The following ABCA6 variants were observed in gnomAD, a reference collection of about 807,000 sequenced individuals.
The protein encoded by ABCA6 is ATP-binding cassette sub-family A member 6.
A neutral mutation model predicts 191.2 loss-of-function variants in ABCA6; 164 were observed. That is an observed-to-expected ratio of 0.86 (90% CI 0.76 to 0.98). ABCA6 has a LOEUF of 0.98. ABCA6 is among the 50% of genes least tolerant of loss of function. The pLI is 0.00. For synonymous variants in ABCA6, 636 were observed against 647.7 expected (o/e 0.98, Z 0.27); for missense variants, 1,958 against 1,894.1 (o/e 1.03, Z -0.63).
intron 11 of ABCA6, among the ~76,000 whole-genome samples, chr17:69,117,004 T>C (rs536022242): frequency 1.9e-4 from 29 of 152,202 alleles, no homozygotes; most frequent in African/African-American, 6.0e-4. Flanking sequence ...AAACTTTAAG[T>C]AATCAATTTA....
intron 20 of ABCA6, among the ~76,000 whole-genome samples, chr17:69,103,315 T>A (rs1302624289): frequency 1.3e-5 from 2 of 152,214 alleles, no homozygotes; most frequent in East Asian, 3.8e-4. Flanking sequence ...TACTTCAGAT[T>A]GTCCAGCCTA....
Position 69,083,020 on chromosome 17 carries a change from G to A in ABCA6, c.4476-7C>T, listed in dbSNP as rs773177323. 2 of 1,612,652 alleles carry A rather than the reference G, an allele frequency of 1.2e-6. No individual in the cohort carries two copies. The highest frequency in any genetic ancestry group is 1.7e-6 in the Non-Finnish European group (2 of 1,179,572). ...TTGGATGGAGCCAATGCATCTATGG[G>A]CAAGAAAGAGAATATGTTGGAAAAA... On this transcript the variant is annotated splice_polypyrimidine_tract_variant and splice_region_variant and intron_variant, in intron 35 of 38. Transcript: ENST00000284425.
At chr17:69,081,254 G>A in intron 36 of ABCA6, 109 bp from the exon 37 acceptor site, 2 of 581,186 alleles carry the variant, frequency 3.4e-6, no homozygotes, top group South Asian at 5.3e-5. Flanking sequence ...TAAAAGTAAT[G>A]CAAATTAATG....
intron 27 of ABCA6, 83 bp from the exon 28 acceptor site, chr17:69,088,341 G>T (rs1457913867): frequency 2.7e-5 from 29 of 1,082,844 alleles, no homozygotes; most frequent in Middle Eastern, 2.7e-4. Context: ...GTGGTGTTTT[G>T]TCTTTGGGTA....
Position 69,089,180 on chromosome 17 carries a change from T to A in ABCA6, c.3606+285A>T, listed in dbSNP as rs531212515. The stretch of plus-strand genomic sequence containing the variant: ...AATCTATTATTCAAAGGAAGTAAGT[T>A]ATATTGCATCTCTATTTTTTACAAG... On this transcript the variant is annotated intron_variant, in intron 27 of 38. Transcript: ENST00000284425. 7.2e-5 allele frequency among the ~76,000 whole-genome samples: 11 copies of A among 152,326 alleles called. No individual in the cohort carries two copies. The South Asian group carries it at 2.1e-3, about 29-fold the overall frequency.
intron 10 of ABCA6, among the ~76,000 whole-genome samples, chr17:69,119,491 C>A (rs1458413374): frequency 6.6e-6 from 1 of 152,026 alleles, no homozygotes; most frequent in Non-Finnish European, 1.5e-5. Context: ...ATGCTTCACA[C>A]AGGAAACAGG....
At position 69,112,260 on chromosome 17, in the gene ABCA6, G is replaced by C. The variant is rs2073438252; in HGVS notation, c.2055C>G (p.Ile685Met). ...EADILADRKV[I>M]MSNGRLKCAG... ...CACACTTCAGTCTCCCATTGGACAT[G>C]ATCACTTTTCTATCTGAATGAAAGA... The change falls in exon 16 of 39, where the codon ATC becomes ATG. Residue 685 changes from isoleucine (I) to methionine (M), a missense_variant. Transcript: ENST00000284425. The C allele has an allele frequency of 2.5e-6, 4 of 1,611,396 alleles. No individual in the cohort carries two copies. Among genetic ancestry groups the C allele is most frequent in the African/African-American group, 1.3e-5 (1 of 74,800 alleles).
At chr17:69,081,720 C>T (rs1490341474) in intron 36 of ABCA6, among the ~76,000 whole-genome samples, 3 of 152,112 alleles carry the variant, frequency 2.0e-5, no homozygotes, top group Non-Finnish European at 4.4e-5. Context: ...GGCCCTAGGG[C>T]AATCTAGAAG....
intron 22 of ABCA6, chr17:69,099,564 T>C (rs2073127608): frequency 6.5e-6 from 1 of 154,292 alleles, no homozygotes; most frequent in Admixed American, 6.5e-5. Flanking sequence ...TGTGTTCTTT[T>C]GAAGGATAGC....
At chr17:69,089,733 A>G (rs1221038060) in intron 26 of ABCA6, among the ~76,000 whole-genome samples, 191 bp from the exon 27 acceptor site, 1 of 152,196 alleles carries the variant, frequency 6.6e-6, no homozygotes, top group Non-Finnish European at 1.5e-5. Context: ...TCTCTCAATA[A>G]GCAAGTAACC....
At chr17:69,084,008 T>G (rs1389150801) in intron 34 of ABCA6, among the ~76,000 whole-genome samples, 1 of 152,148 alleles carries the variant, frequency 6.6e-6, no homozygotes, top group Non-Finnish European at 1.5e-5. Flanking sequence ...AGGCAAAATA[T>G]TTTTGTATTT....
At chr17:69,132,177 T>C (rs948683620) in intron 6 of ABCA6, among the ~76,000 whole-genome samples, 1 of 152,204 alleles carries the variant, frequency 6.6e-6, no homozygotes, top group Non-Finnish European at 1.5e-5. Context: ...CCCAAGGAAT[T>C]GTTCAATACA....
At chr17:69,134,576 A>G (rs896525528) in intron 5 of ABCA6, 63 bp downstream of exon 5, 61 of 1,204,976 alleles carry the variant, frequency 5.1e-5, no homozygotes, top group Non-Finnish European at 7.0e-5. Flanking sequence ...CTTTCATCAA[A>G]AATCTTGAGG....
intron 27 of ABCA6, 98 bp downstream of exon 27, chr17:69,089,367 A>C (rs12602396): frequency 8.6e-7 from 1 of 1,159,616 alleles, no homozygotes; most frequent in African/African-American, 1.5e-5. Flanking sequence ...ATCATATAAA[A>C]ACACTTTCAA....
At chr17:69,136,021 G>A (rs1333446447) in intron 4 of ABCA6, 71 bp downstream of exon 4, 2 of 1,429,604 alleles carry the variant, frequency 1.4e-6, no homozygotes, top group Admixed American at 1.8e-5. Context: ...CATCTCTGTT[G>A]CCCAACCTCC....
At chr17:69,100,764 T>G (rs767599368) in intron 22 of ABCA6, 33 bp downstream of exon 22, 102 of 1,559,198 alleles carry the variant, frequency 6.5e-5, no homozygotes, top group East Asian at 1.8e-4. Context: ...GTCCAATTCT[T>G]AATTGTTTAG....
chr17:69,118,890 C>T lies in ABCA6; in HGVS notation c.1437-934G>A, dbSNP rs189428309. Among the ~76,000 whole-genome samples the T allele has an allele frequency of 8.5e-5, 13 of 152,082 alleles. 1 individual carries two copies. The East Asian group carries it at 2.5e-3, about 29-fold the overall frequency. On this transcript the variant is annotated intron_variant, in intron 10 of 38. Transcript: ENST00000284425. ...CTTTTCATTGATCTTTAGATTCACA[C>T]ATCTAATGGTTTGCTGCATAGATAG... is the stretch of plus-strand genomic sequence containing the variant.
intron 2 of ABCA6, among the ~76,000 whole-genome samples, chr17:69,139,550 G>T (rs551471489): frequency 6.6e-6 from 1 of 151,966 alleles, no homozygotes; most frequent in African/African-American, 2.4e-5. Context: ...GATTCCTCAG[G>T]GATCTAGAAC....
At chr17:69,123,913 A>C (rs2073698726) in intron 9 of ABCA6, among the ~76,000 whole-genome samples, 1 of 152,088 alleles carries the variant, frequency 6.6e-6, no homozygotes, top group African/African-American at 2.4e-5. Flanking sequence ...CATATTTATT[A>C]AATTTTTTTA....
Sources: allele counts gnomAD v4.1 joint callset (sites outside exome capture counted in the v4.1 genomes callset), GRCh38; gene constraint gnomAD v4.1.1; transcripts MANE v1.5; gene names NCBI Gene and HGNC (gene_info 2026-07-23, HGNC 2026-07-21).